Variants in KCNT2 observed in about 807,000 individuals in gnomAD.
KCNT2 encodes the protein potassium sodium-activated channel subfamily T member 2.
In KCNT2, 67 loss-of-function variants were observed where a neutral mutation model predicts 153.8. That is an observed-to-expected ratio of 0.44 (90% CI 0.36 to 0.53). The LOEUF (loss-of-function observed/expected upper bound fraction) is 0.53, where lower values mean the gene tolerates loss of function less well. Among genes scored for constraint, KCNT2 ranks in the 20% least tolerant of loss-of-function variants. The pLI is 0.00. For missense variants in KCNT2, 975 were observed against 1,354.8 expected (o/e 0.72, Z 4.40); for synonymous variants, 500 against 458.8 (o/e 1.09, Z -1.15).
chr1:196,362,000 G>A (rs1485659275), intron 14 of KCNT2, among the ~76,000 whole-genome samples: 1 of 151,944 alleles, frequency 6.6e-6, no homozygotes, highest in Non-Finnish European at 1.5e-5. Flanking sequence ...ACCTAAGGAG[G>A]AGGGTGATGG....
intron 15 of KCNT2, among the ~76,000 whole-genome samples, chr1:196,341,842 A>G (rs1665666019): frequency 1.3e-5 from 2 of 152,120 alleles, no homozygotes; most frequent in African/African-American, 4.8e-5. Context: ...TATTTTAAAA[A>G]GACTTTAAAA....
At chr1:196,591,446 T>C (rs1343655361) in intron 1 of KCNT2, among the ~76,000 whole-genome samples, 3 of 152,144 alleles carry the variant, frequency 2.0e-5, no homozygotes, top group East Asian at 3.9e-4. Context: ...ACTTGTCATA[T>C]ACCACCCCCG....
chr1:196,368,601 C>T (rs1427935198), intron 14 of KCNT2, among the ~76,000 whole-genome samples: 2 of 152,122 alleles, frequency 1.3e-5, no homozygotes, highest in African/African-American at 4.8e-5. Context: ...AATGCTTGCT[C>T]AGTCTTAATC....
At chr1:196,590,563 T>C (rs1289644127) in intron 1 of KCNT2, among the ~76,000 whole-genome samples, 1 of 152,188 alleles carries the variant, frequency 6.6e-6, no homozygotes, top group Non-Finnish European at 1.5e-5. Context: ...CTTTCTTCAC[T>C]GCCCTTCCAG....
chr1:196,535,737 G>A (rs927165579), intron 1 of KCNT2, among the ~76,000 whole-genome samples: 11 of 152,320 alleles, frequency 7.2e-5, no homozygotes, highest in Non-Finnish European at 1.2e-4. Context: ...GAGCCGGCCT[G>A]TACGCAATCT....
At chr1:196,591,026 C>T (rs1370616041) in intron 1 of KCNT2, among the ~76,000 whole-genome samples, 2 of 152,076 alleles carry the variant, frequency 1.3e-5, no homozygotes, top group Non-Finnish European at 2.9e-5. Flanking sequence ...ACTCGAGAGG[C>T]TGAGGCATGA....
At chr1:196,285,837 A>T (rs1256221569) in intron 22 of KCNT2, 79 bp from the exon 23 acceptor site, 1 of 803,546 alleles carries the variant, frequency 1.2e-6, no homozygotes, top group Non-Finnish European at 2.2e-6. Context: ...TTGTGTTGAC[A>T]TACGTAAAAA....
rs538191079 is a variant in KCNT2 at position 196,397,856 on chromosome 1, A to G, written c.1294+707T>C. On this transcript the variant is annotated intron_variant, in intron 13 of 27. Coordinates refer to ENST00000294725, the MANE Select transcript of KCNT2 (RefSeq NM_198503.5). ...ACTTTTGGAGCTTTAAACTTTTAAG[A>G]TAGAATATAATGTAAAACATGGGAT... is the stretch of plus-strand genomic sequence containing the variant. Among the ~76,000 whole-genome samples, 147 of 151,612 alleles carry G rather than the reference A, an allele frequency of 9.7e-4. 1 individual carries two copies. The highest frequency in any genetic ancestry group is 3.4e-3 in the African/African-American group (139 of 41,478).
intron 1 of KCNT2, among the ~76,000 whole-genome samples, chr1:196,494,187 T>G (rs1680069678): frequency 6.6e-6 from 1 of 152,192 alleles, no homozygotes; most frequent in Admixed American, 6.5e-5. Context: ...TCAGTTCATT[T>G]TAAATATAGT....
At chr1:196,238,695 T>C (rs927470517) in intron 26 of KCNT2, among the ~76,000 whole-genome samples, 1 of 151,912 alleles carries the variant, frequency 6.6e-6, no homozygotes, top group African/African-American at 2.4e-5. Context: ...TTTGTGACTT[T>C]GTGTTTAAGA....
In KCNT2 at chr1:196,271,191, C is replaced by T. The variant is rs531633071; in HGVS notation, c.2910+9669G>A. Among the ~76,000 whole-genome samples, 18 of 152,030 alleles carry T rather than the reference C, an allele frequency of 1.2e-4. No homozygotes were observed. In the South Asian group the frequency reaches 3.5e-3, roughly 30 times the overall value. On this transcript the variant is annotated intron_variant, in intron 25 of 27. Transcript: ENST00000294725. ...AGAATACTATAAGACCTGGTAAATA[C>T]AAATATTTGTATTCTTATGTAAATA...
intron 1 of KCNT2, among the ~76,000 whole-genome samples, chr1:196,602,931 C>A (rs899336403): frequency 4.0e-5 from 6 of 150,590 alleles, no homozygotes; most frequent in Non-Finnish European, 8.9e-5. Flanking sequence ...GGACTACAGG[C>A]GCCCGCCACC....
At chr1:196,561,068 A>C (rs900527156) in intron 1 of KCNT2, among the ~76,000 whole-genome samples, 13 of 151,960 alleles carry the variant, frequency 8.6e-5, no homozygotes, top group African/African-American at 3.1e-4. Flanking sequence ...TAAGTGACCT[A>C]ATGATGAATT....
At chr1:196,325,230 C>G (rs1663725015) in intron 19 of KCNT2, among the ~76,000 whole-genome samples, 1 of 152,092 alleles carries the variant, frequency 6.6e-6, no homozygotes, top group African/African-American at 2.4e-5. Context: ...TTAGTCCTAT[C>G]AGAAAGATGC....
At chr1:196,347,023 T>C (rs546573788) in intron 14 of KCNT2, among the ~76,000 whole-genome samples, 2 of 152,280 alleles carry the variant, frequency 1.3e-5, no homozygotes, top group African/African-American at 4.8e-5. Context: ...ATGGCTTTGA[T>C]GATCTTGCCA....
intron 14 of KCNT2, among the ~76,000 whole-genome samples, chr1:196,369,603 A>G (rs1668344738): frequency 6.6e-6 from 1 of 151,464 alleles, no homozygotes; most frequent in Non-Finnish European, 1.5e-5. Flanking sequence ...GCGATAGTTT[A>G]CTGAGAATGA....
At chr1:196,271,117 C>T (rs1241137303) in intron 25 of KCNT2, among the ~76,000 whole-genome samples, 2 of 151,782 alleles carry the variant, frequency 1.3e-5, no homozygotes, top group South Asian at 2.1e-4. Flanking sequence ...ATAAATAAGC[C>T]TGTGGAAAGA....
At chr1:196,248,882 C>G (rs1655688071) in intron 26 of KCNT2, among the ~76,000 whole-genome samples, 1 of 152,150 alleles carries the variant, frequency 6.6e-6, no homozygotes, top group Non-Finnish European at 1.5e-5. Flanking sequence ...GCCAATATCT[C>G]TGATGAACAT....
intron 25 of KCNT2, among the ~76,000 whole-genome samples, chr1:196,279,453 C>T (rs751767650): frequency 4.6e-5 from 7 of 151,894 alleles, no homozygotes; most frequent in African/African-American, 1.2e-4. Context: ...GACAGAGTCT[C>T]GCTCTGTCAC....
Sources: gnomAD v4.1 joint callset for allele counts (sites outside exome capture counted in the v4.1 genomes callset) on GRCh38, gnomAD v4.1.1 for gene constraint, MANE v1.5 for transcripts, NCBI Gene and HGNC (gene_info 2026-07-23, HGNC 2026-07-21) for gene names.